Variants in MYCBPAP observed in about 807,000 individuals in gnomAD.
The protein encoded by MYCBPAP is MYCBP associated protein, also known as MYCBP-associated protein.
Under a neutral mutation model 106.1 loss-of-function variants are expected in MYCBPAP, and 60 were observed. The observed-to-expected ratio is 0.57, with a 90% CI of 0.46 to 0.70. The LOEUF (loss-of-function observed/expected upper bound fraction) is 0.70, where lower values mean the gene tolerates loss of function less well. Among genes scored for constraint, MYCBPAP ranks in the 30% least tolerant of loss-of-function variants. The pLI is 0.00. For missense variants in MYCBPAP, 1,064 were observed against 1,169.3 expected, an observed-to-expected ratio of 0.91 and a Z score of 1.31; for synonymous variants, 407 against 440.6, an observed-to-expected ratio of 0.92 and a Z score of 0.95.
chr17:50,511,033 T>A (rs913443465), intron 1 of MYCBPAP, among the ~76,000 whole-genome samples: 1 of 144,088 alleles, frequency 6.9e-6, no homozygotes, highest in African/African-American at 2.7e-5. Context: ...AACCCTTGAG[T>A]TAAGAACATG....
chr17:50,517,282 T>C lies in MYCBPAP; in HGVS notation c.205-11T>C, dbSNP rs762359753. On this transcript the variant is annotated splice_polypyrimidine_tract_variant and intron_variant, in intron 2 of 18. Transcript: ENST00000323776. ...ACAGGTGGAATTCTCCTTTGTTTTATTTCTTTTTAGCAACACATTCCTCGC... is the reference window on the plus strand; with the variant it reads ...ACAGGTGGAATTCTCCTTTGTTTTACTTCTTTTTAGCAACACATTCCTCGC... 197 of 1,613,776 alleles carry C rather than the reference T, an allele frequency of 1.2e-4. 1 individual carries two copies. Among genetic ancestry groups the C allele is most frequent in the Non-Finnish European group, 1.2e-4 (141 of 1,179,818 alleles).
Position 50,524,735 on chromosome 17 carries a change from T to TGAGAGAGAGAGAGA in MYCBPAP, c.1636-141_1636-140insAGAGAGAGAGAGAG, listed in dbSNP as rs1023452414. 4 of 238,828 alleles carry TGAGAGAGAGAGAGA rather than the reference T, an allele frequency of 1.7e-5. No homozygotes were observed. In the African/African-American group the frequency reaches 1.8e-4, roughly 11 times the overall value. 14.8% of individuals were successfully genotyped at this position (238,828 alleles called of 1,614,324 possible). A position where few individuals can be genotyped will look rare whatever the true frequency, so the allele number is the denominator to read the frequency against. On this transcript the variant is annotated intron_variant, in intron 12 of 18. Coordinates refer to ENST00000323776, the MANE Select transcript of MYCBPAP (RefSeq NM_032133.6). ...GCGTGTGTGTGTGTGTGTGTGTGTG[T>TGAGAGAGAGAGAGA]GTGAGAGAGAGAGAGAGAGAGAGAC... is the stretch of plus-strand genomic sequence containing the variant.
At chr17:50,513,306 G>T (rs1362944666) in intron 1 of MYCBPAP, among the ~76,000 whole-genome samples, 5 of 150,270 alleles carry the variant, frequency 3.3e-5, no homozygotes, top group Non-Finnish European at 7.4e-5. Flanking sequence ...AGAATCACTT[G>T]AGCCCGGGAG....
chr17:50,515,476 T>A (rs551123691), intron 1 of MYCBPAP, among the ~76,000 whole-genome samples: 1 of 152,342 alleles, frequency 6.6e-6, no homozygotes, highest in South Asian at 2.1e-4. Flanking sequence ...TTAACCAGTG[T>A]CTTGTGAAAC....
chr17:50,518,692 C>A lies in MYCBPAP; in HGVS notation c.620C>A (p.Ala207Asp), dbSNP rs758247004. The A allele has an allele frequency of 1.3e-6, 2 of 1,597,170 alleles. No individual in the cohort carries two copies. The highest frequency in any genetic ancestry group is 3.6e-5 in the Admixed American group (2 of 55,960). Residue 207 changes from alanine (A) to aspartate (D), a missense_variant, in exon 5 of 19, where the codon GCC becomes GAC. Coordinates refer to ENST00000323776, the MANE Select transcript of MYCBPAP (RefSeq NM_032133.6). ...NFLKNWQRNT[A>D]LRKKQQEALS... Reference sequence around the variant, plus strand: ...CTGAAAAACTGGCAGCGTAACACAGCCCTGCGGAAGAAGCAGCAGGAAGCC... The same window carrying A: ...CTGAAAAACTGGCAGCGTAACACAGACCTGCGGAAGAAGCAGCAGGAAGCC...
intron 18 of MYCBPAP, 71 bp from the exon 19 acceptor site, chr17:50,531,256 C>T: frequency 3.3e-6 from 3 of 912,926 alleles, no homozygotes; most frequent in South Asian, 1.9e-5. Context: ...GCTATTCTCT[C>T]ACAGCATAGT....
chr17:50,525,051 C>T (rs1106730), intron 13 of MYCBPAP, 28 bp downstream of exon 13: 4 of 1,598,122 alleles, frequency 2.5e-6, no homozygotes, highest in Non-Finnish European at 3.4e-6. Flanking sequence ...CCCCTGCCCC[C>T]TCATGTGTGC....
At position 50,518,591 on chromosome 17, in the gene MYCBPAP, T is replaced by A. The variant is rs775278391; in HGVS notation, c.519T>A (p.Ala173=). The part of the protein sequence containing the change: ...TSPCLMTLIS[A]EGESKQKAPK... ...CCTGTCTGATGACCCTCATCTCTGC[T>A]GAAGGAGAGTCAAAGCAAAAAGCCC... is the stretch of plus-strand genomic sequence containing the variant. The change falls in exon 5 of 19, where the codon GCT becomes GCA. Residue 173 remains alanine (A), a synonymous_variant. Coordinates refer to ENST00000323776, the MANE Select transcript of MYCBPAP (RefSeq NM_032133.6). 74 of 1,607,900 alleles carry A rather than the reference T, an allele frequency of 4.6e-5. 2 individuals are homozygous for A. In the South Asian group the frequency reaches 8.1e-4, roughly 18 times the overall value.
chr17:50,531,275 A>G, intron 18 of MYCBPAP, 52 bp from the exon 19 acceptor site: 1 of 1,234,028 alleles, frequency 8.1e-7, no homozygotes, highest in Non-Finnish European at 1.2e-6. Flanking sequence ...GTTCATATAT[A>G]GGTGCTTCCC....
intron 12 of MYCBPAP, 120 bp from the exon 13 acceptor site, chr17:50,524,757 A>ATT (rs1354008939): frequency 1.5e-5 from 14 of 917,610 alleles, no homozygotes; most frequent in Non-Finnish European, 2.2e-5. Flanking sequence ...AGAGAGAGAG[A>ATT]GACAATGGCA....
intron 18 of MYCBPAP, chr17:50,529,617 G>A (rs931071125): frequency 1.5e-5 from 6 of 404,526 alleles, no homozygotes; most frequent in African/African-American, 4.1e-5. Flanking sequence ...GGGATTTTTC[G>A]GAGTGAAATG....
At position 50,528,216 on chromosome 17, in the gene MYCBPAP, G is replaced by C. The variant is rs747354381; in HGVS notation, c.2353G>C (p.Val785Leu). The C allele has an allele frequency of 6.2e-7, 1 of 1,614,192 alleles. No individual in the cohort carries two copies. The highest frequency in any genetic ancestry group is 1.1e-5 in the South Asian group (1 of 91,062). The part of the protein sequence containing the change: ...LVGHSMWLRS[V>L]LGLPEKETIY... ...GGGCCATTCCATGTGGCTGAGGTCT[G>C]TGCTGGGCCTGCCTGAGAAGGAGAC... Residue 785 changes from valine to leucine, a missense_variant, in exon 16 of 19, where the codon GTG becomes CTG. By Grantham distance (32) the Val-to-Leu change is conservative. Transcript: ENST00000323776.
At chr17:50,513,233 A>G in intron 1 of MYCBPAP, among the ~76,000 whole-genome samples, 1 of 150,474 alleles carries the variant, frequency 6.6e-6, no homozygotes, top group Admixed American at 6.6e-5. Context: ...AAAAAAAAAA[A>G]AAAAAAAGCT....
chr17:50,529,638 C>T, intron 18 of MYCBPAP: 1 of 418,324 alleles, frequency 2.4e-6, no homozygotes, highest in South Asian at 1.6e-5. Flanking sequence ...AGAAGTCACG[C>T]AAGGTTTTGA....
intron 10 of MYCBPAP, 41 bp downstream of exon 10, chr17:50,522,122 C>A: frequency 1.3e-6 from 2 of 1,552,144 alleles, no homozygotes; most frequent in African/African-American, 1.4e-5. Context: ...GAGCCTCCCT[C>A]AGGGGTGCAG....
chr17:50,514,991 G>A (rs756834454), intron 1 of MYCBPAP: 17 of 367,984 alleles, frequency 4.6e-5, no homozygotes, highest in African/African-American at 1.3e-4. Flanking sequence ...ACGATATGGC[G>A]GCTGCTGCTG....
At chr17:50,523,480 T>C in intron 11 of MYCBPAP, 117 bp from the exon 12 acceptor site, 1 of 1,065,480 alleles carries the variant, frequency 9.4e-7, no homozygotes, top group South Asian at 1.4e-5. Context: ...CTGGGCAAAC[T>C]GGGATGGTTG....
At chr17:50,518,415 G>T in intron 4 of MYCBPAP, 126 bp from the exon 5 acceptor site, 2 of 760,788 alleles carry the variant, frequency 2.6e-6, no homozygotes, top group Admixed American at 2.8e-5. Flanking sequence ...CTACTCTGGA[G>T]TCCTGAAGAG....
intron 18 of MYCBPAP, among the ~76,000 whole-genome samples, chr17:50,531,089 C>G (rs1307004419): frequency 2.0e-5 from 3 of 150,624 alleles, no homozygotes; most frequent in Non-Finnish European, 4.4e-5. Context: ...GAAGTCAAGG[C>G]TGCAGTGAGC....
Sources: gnomAD v4.1 joint callset for allele counts (sites outside exome capture counted in the v4.1 genomes callset) on GRCh38, gnomAD v4.1.1 for gene constraint, MANE v1.5 for transcripts, NCBI Gene and HGNC (gene_info 2026-07-23, HGNC 2026-07-21) for gene names.